Variants in C8orf34 observed in about 807,000 individuals in gnomAD.
C8orf34 encodes the protein uncharacterized protein C8orf34.
C8orf34 carries 65 observed loss-of-function variants against 68.3 expected under a neutral mutation model. The ratio of observed to expected loss-of-function variants is 0.95; its 90% CI spans 0.78 to 1.17. C8orf34 has a LOEUF of 1.17. Among genes scored for constraint, C8orf34 ranks in the 50% most tolerant of loss-of-function variants. The pLI, the probability that C8orf34 is intolerant of heterozygous loss-of-function variation, is 0.00. For missense variants in C8orf34, 664 were observed against 655.4 expected (o/e 1.01, Z -0.14); for synonymous variants, 244 against 241.2 (o/e 1.01, Z -0.11).
intron 10 of C8orf34, among the ~76,000 whole-genome samples, chr8:68,761,681 T>A (rs1482009249): frequency 1.3e-5 from 2 of 152,186 alleles, no homozygotes; most frequent in African/African-American, 4.8e-5. Flanking sequence ...TCTAACCTGA[T>A]CAACAAAGTC....
At chr8:68,440,246 A>G (rs2129625884) in intron 2 of C8orf34, among the ~76,000 whole-genome samples, 1 of 152,312 alleles carries the variant, frequency 6.6e-6, no homozygotes, top group South Asian at 2.1e-4. Flanking sequence ...TTAGTTTGAC[A>G]TTTACTTTCA....
rs77747258 is a variant in C8orf34 at position 68,558,801 on chromosome 8, G to A, written c.1105+25652G>A. 4.4e-3 allele frequency among the ~76,000 whole-genome samples: 676 copies of A among 152,146 alleles called. 2 individuals are homozygous for A. Among genetic ancestry groups the A allele is most frequent in the Non-Finnish European group, 6.6e-3 (449 of 67,990 alleles). ...TTGATTATGCTATGCCCTGTACTAG[G>A]AAAATACAGAGCCAAATGAGGTACA... On this transcript the variant is annotated intron_variant, in intron 7 of 13. Coordinates refer to ENST00000518698, the MANE Select transcript of C8orf34 (RefSeq NM_052958.4).
At chr8:68,567,441 T>C (rs1171082735) in intron 7 of C8orf34, among the ~76,000 whole-genome samples, 1 of 152,070 alleles carries the variant, frequency 6.6e-6, no homozygotes, top group African/African-American at 2.4e-5. Flanking sequence ...AATGATGTTT[T>C]GTATTTCTGT....
At chr8:68,560,555 C>T (rs962948870) in intron 7 of C8orf34, among the ~76,000 whole-genome samples, 3 of 152,138 alleles carry the variant, frequency 2.0e-5, no homozygotes, top group Non-Finnish European at 2.9e-5. Context: ...CGAACCTAGA[C>T]GGTACAGCCT....
At chr8:68,438,592 A>G (rs1242944706) in intron 1 of C8orf34, 1 of 152,154 alleles carries the variant, frequency 6.6e-6, no homozygotes, top group Admixed American at 6.5e-5. Flanking sequence ...AACAGACTAG[A>G]ATTCTAGGCT....
chr8:68,413,779 G>A (rs1809544590), intron 1 of C8orf34, among the ~76,000 whole-genome samples: 1 of 152,202 alleles, frequency 6.6e-6, no homozygotes, highest in African/African-American at 2.4e-5. Context: ...TTTCTGAAGA[G>A]TTCTTCCTTC....
chr8:68,410,694 T>A (rs771452945), intron 1 of C8orf34, among the ~76,000 whole-genome samples: 1 of 152,132 alleles, frequency 6.6e-6, no homozygotes, highest in African/African-American at 2.4e-5. Flanking sequence ...TTTCAGGAGA[T>A]GTGGTGTCCA....
At position 68,331,252 on chromosome 8, in the gene C8orf34, G is replaced by T; in HGVS notation, c.240G>T (p.Ser80=). The T allele has an allele frequency of 1.3e-6, 2 of 1,536,312 alleles. No individual in the cohort carries two copies. Among genetic ancestry groups the T allele is most frequent in the South Asian group, 2.4e-5 (2 of 84,060 alleles). Residue 80 remains serine (S), a synonymous_variant, in exon 1 of 14, where the codon TCG becomes TCT. Transcript: ENST00000518698. The stretch of plus-strand genomic sequence containing the variant: ...CGCGCGTTCTCCCTGCACTCTCTTC[G>T]CGGTCCCATCTGTTCCCCATGGCGT... ...AQPRVLPALS[S]RSHLFPMASH...
intron 10 of C8orf34, among the ~76,000 whole-genome samples, chr8:68,722,658 A>C (rs1282083517): frequency 6.6e-6 from 1 of 151,720 alleles, no homozygotes; most frequent in Non-Finnish European, 1.5e-5. Context: ...CAATTTACTT[A>C]TTTGTTTTAC....
intron 1 of C8orf34, among the ~76,000 whole-genome samples, chr8:68,370,222 A>G (rs1331787600): frequency 6.6e-6 from 1 of 152,180 alleles, no homozygotes; most frequent in Non-Finnish European, 1.5e-5. Flanking sequence ...TAGGCTGCCC[A>G]TCTATTCCCC....
At chr8:68,566,330 A>T (rs1816588081) in intron 7 of C8orf34, among the ~76,000 whole-genome samples, 1 of 152,130 alleles carries the variant, frequency 6.6e-6, no homozygotes, top group South Asian at 2.1e-4. Context: ...ACCCTCAAGT[A>T]GAACCCAGTG....
chr8:68,523,395 A>C (rs1814840405), intron 6 of C8orf34, among the ~76,000 whole-genome samples: 2 of 152,134 alleles, frequency 1.3e-5, no homozygotes, highest in South Asian at 2.1e-4. Context: ...GTGAGCTCTT[A>C]TTCCCACCTG....
intron 3 of C8orf34, among the ~76,000 whole-genome samples, chr8:68,464,530 C>T (rs932934952): frequency 2.0e-5 from 3 of 151,928 alleles, no homozygotes; most frequent in Admixed American, 6.6e-5. Flanking sequence ...GGAGGCATCA[C>T]GCTACCTGAC....
At chr8:68,580,282 G>A (rs1235334541) in intron 7 of C8orf34, among the ~76,000 whole-genome samples, 1 of 152,014 alleles carries the variant, frequency 6.6e-6, no homozygotes, top group Non-Finnish European at 1.5e-5. Context: ...AAAAAGAAAA[G>A]AAGATGAAGT....
intron 12 of C8orf34, among the ~76,000 whole-genome samples, chr8:68,797,542 T>TA (rs5892156): frequency 0.19 from 27,774 of 147,844 alleles, 3,254 homozygotes; most frequent in East Asian, 0.37. Flanking sequence ...TTTTCACCTT[T>TA]AAAAAAAAAA....
At chr8:68,342,977 AAAG>A (rs1319716610) in intron 1 of C8orf34, among the ~76,000 whole-genome samples, 3 of 152,160 alleles carry the variant, frequency 2.0e-5, no homozygotes, top group Non-Finnish European at 4.4e-5. Context: ...GTGAAGAGGA[AAAG>A]AAGAAATTTG....
At chr8:68,775,807 C>T (rs967194789) in intron 10 of C8orf34, among the ~76,000 whole-genome samples, 6 of 152,150 alleles carry the variant, frequency 3.9e-5, no homozygotes, top group African/African-American at 1.4e-4. Context: ...TCTAGCTGCT[C>T]ATTTGTTAAC....
At chr8:68,665,752 G>T (rs1037591374) in intron 8 of C8orf34, among the ~76,000 whole-genome samples, 7 of 152,244 alleles carry the variant, frequency 4.6e-5, no homozygotes, top group Admixed American at 3.3e-4. Flanking sequence ...TCATCAGAGA[G>T]ACCTTTCATG....
intron 10 of C8orf34, among the ~76,000 whole-genome samples, chr8:68,741,712 G>C (rs1344810754): frequency 6.6e-6 from 1 of 152,048 alleles, no homozygotes; most frequent in Non-Finnish European, 1.5e-5. Flanking sequence ...AAATAAGTGA[G>C]AACATGCCAA....
Sources: gnomAD v4.1 joint callset for allele counts (sites outside exome capture counted in the v4.1 genomes callset) on GRCh38, gnomAD v4.1.1 for gene constraint, MANE v1.5 for transcripts, NCBI Gene and HGNC (gene_info 2026-07-23, HGNC 2026-07-21) for gene names.